FAM107B: variants seen among roughly 807,000 people sequenced by gnomAD.
FAM107B encodes the protein protein FAM107B.
Under a neutral mutation model 31.5 loss-of-function variants are expected in FAM107B, and 21 were observed. The ratio of observed to expected loss-of-function variants is 0.67; its 90% confidence interval spans 0.47 to 0.96. The LOEUF is 0.96. Among genes scored for constraint, FAM107B ranks in the 40% least tolerant of loss-of-function variants. FAM107B has a pLI of 0.00. For synonymous variants in FAM107B, 157 were observed against 141.5 expected (o/e 1.11, Z -0.78); for missense variants, 452 against 377.1 (o/e 1.20, Z -1.64).
chr10:14,741,329 G>A (rs187479200), intron 1 of FAM107B, among the ~76,000 whole-genome samples: 7 of 152,356 alleles, frequency 4.6e-5, no homozygotes, highest in Admixed American at 4.6e-4. Context: ...CCTGGAAGAA[G>A]AGGGAGAGTT....
At chr10:14,753,306 C>T (rs1832866416) in intron 1 of FAM107B, among the ~76,000 whole-genome samples, 2 of 152,212 alleles carry the variant, frequency 1.3e-5, no homozygotes, top group Admixed American at 1.3e-4. Context: ...AACCCAAGCT[C>T]TGCCACTGGC....
intron 2 of FAM107B, among the ~76,000 whole-genome samples, chr10:14,560,100 G>C (rs1343875705): frequency 1.3e-5 from 2 of 152,258 alleles, no homozygotes; most frequent in East Asian, 1.9e-4. Flanking sequence ...CAGACCATCA[G>C]AGAGTTTTAG....
At chr10:14,744,822 G>C (rs375360581) in intron 1 of FAM107B, among the ~76,000 whole-genome samples, 12 of 152,040 alleles carry the variant, frequency 7.9e-5, no homozygotes, top group East Asian at 5.8e-4. Flanking sequence ...GTTTGGAATT[G>C]TTTCAGGAGA....
At chr10:14,535,015 A>C (rs1175168708) in intron 2 of FAM107B, 2 of 152,224 alleles carry the variant, frequency 1.3e-5, no homozygotes, top group Non-Finnish European at 2.9e-5. Context: ...CTGAGCAACA[A>C]GGAATCCAGG....
intron 1 of FAM107B, among the ~76,000 whole-genome samples, chr10:14,765,258 A>G (rs982949054): frequency 2.6e-5 from 4 of 152,242 alleles, no homozygotes; most frequent in East Asian, 1.9e-4. Context: ...AGCTTGGAAT[A>G]TAAGTCGATG....
intron 2 of FAM107B, chr10:14,554,046 G>C (rs1849490185): frequency 1.1e-6 from 1 of 950,502 alleles, no homozygotes; most frequent in South Asian, 4.8e-5. Context: ...CCCATCCTAA[G>C]AGGCTCACTG....
intron 2 of FAM107B, among the ~76,000 whole-genome samples, chr10:14,629,361 T>TAA (rs1336656519): frequency 6.5e-3 from 443 of 68,434 alleles, no homozygotes; most frequent in Non-Finnish European, 9.0e-3. Context: ...ATATAATATA[T>TAA]ATTATATATT....
At chr10:14,634,506 G>C (rs1170599589) in intron 2 of FAM107B, among the ~76,000 whole-genome samples, 2 of 152,086 alleles carry the variant, frequency 1.3e-5, no homozygotes, top group Non-Finnish European at 2.9e-5. Flanking sequence ...TCAAGAGAAT[G>C]GGAATCAATA....
chr10:14,591,295 T>C (rs1427944105), intron 2 of FAM107B, among the ~76,000 whole-genome samples: 5 of 152,200 alleles, frequency 3.3e-5, no homozygotes, highest in Admixed American at 1.3e-4. Context: ...TTAGCACATA[T>C]GCACAGAATT....
chr10:14,709,522 C>G (rs1855592352), intron 1 of FAM107B, among the ~76,000 whole-genome samples: 1 of 152,170 alleles, frequency 6.6e-6, no homozygotes, highest in Non-Finnish European at 1.5e-5. Context: ...ATCACAAGAA[C>G]AGCATGGGAA....
At chr10:14,539,803 C>T (rs1588518971) in intron 2 of FAM107B, among the ~76,000 whole-genome samples, 1 of 152,076 alleles carries the variant, frequency 6.6e-6, no homozygotes, top group South Asian at 2.1e-4. Context: ...TTTTTTCACC[C>T]AGTTGAAAGT....
chr10:14,553,309 TC>T, intron 2 of FAM107B: 6 of 1,252,410 alleles, frequency 4.8e-6, no homozygotes, highest in Non-Finnish European at 6.2e-6. Flanking sequence ...ACAGTAAATT[TC>T]CCCACACTTA....
chr10:14,609,628 G>A (rs1852678662), intron 2 of FAM107B, among the ~76,000 whole-genome samples: 1 of 152,140 alleles, frequency 6.6e-6, no homozygotes, highest in African/African-American at 2.4e-5. Context: ...ATTAGGTCAG[G>A]CACACCCAGA....
intron 1 of FAM107B, among the ~76,000 whole-genome samples, chr10:14,715,447 A>G (rs1202984215): frequency 6.6e-6 from 1 of 152,246 alleles, no homozygotes; most frequent in Non-Finnish European, 1.5e-5. Context: ...GTTATCTATC[A>G]TTATATAATA....
At chr10:14,602,027 A>C (rs1197957143) in intron 2 of FAM107B, among the ~76,000 whole-genome samples, 1 of 152,176 alleles carries the variant, frequency 6.6e-6, no homozygotes, top group East Asian at 1.9e-4. Context: ...TAACCACCCA[A>C]GGAAGGGGAT....
intron 1 of FAM107B, chr10:14,723,227 A>G (rs982290561): frequency 3.8e-6 from 2 of 529,280 alleles, no homozygotes; most frequent in Non-Finnish European, 7.5e-6. Context: ...GGAGCCACAG[A>G]TCAGTCTTCT....
intron 2 of FAM107B, among the ~76,000 whole-genome samples, chr10:14,655,487 T>G (rs1305094074): frequency 6.6e-6 from 1 of 152,250 alleles, no homozygotes; most frequent in Non-Finnish European, 1.5e-5. Flanking sequence ...TGGCGCAATC[T>G]TGGCCCACTG....
intron 2 of FAM107B, among the ~76,000 whole-genome samples, chr10:14,600,951 AGAGAT>A (rs1227128951): frequency 6.6e-6 from 1 of 151,966 alleles, no homozygotes; most frequent in Non-Finnish European, 1.5e-5. Context: ...AATTTTTCGT[AGAGAT>A]GAGGGTCACT....
At chr10:14,757,438 A>G (rs761931714) in intron 1 of FAM107B, among the ~76,000 whole-genome samples, 31 of 150,814 alleles carry the variant, frequency 2.1e-4, no homozygotes, top group Non-Finnish European at 4.1e-4. Flanking sequence ...CTTAAAATGT[A>G]TCTCTCTCTC....
Sources: allele counts gnomAD v4.1 joint callset (sites outside exome capture counted in the v4.1 genomes callset), GRCh38; gene constraint gnomAD v4.1.1; transcripts MANE v1.5; gene names NCBI Gene and HGNC (gene_info 2026-07-23, HGNC 2026-07-21).